Variants in SEMA3C observed in about 807,000 individuals in gnomAD.
SEMA3C encodes semaphorin-3C.
SEMA3C carries 47 observed loss-of-function variants against 89.4 expected under a neutral mutation model. That is an observed-to-expected ratio of 0.53 (90% CI 0.42 to 0.67). The LOEUF (loss-of-function observed/expected upper bound fraction) is 0.67, where lower values mean the gene tolerates loss of function less well. Among genes scored for constraint, SEMA3C ranks in the 30% least tolerant of loss-of-function variants. SEMA3C has a pLI of 0.00. For synonymous variants in SEMA3C, 310 were observed against 320.2 expected (o/e 0.97, Z 0.34); for missense variants, 839 against 929.1 (o/e 0.90, Z 1.26).
In SEMA3C at chr7:80,827,392, GTTTTTTT is replaced by G. The variant is rs36066966; in HGVS notation, c.327+26_327+32del. 3,237 of 1,233,906 alleles carry G rather than the reference GTTTTTTT, an allele frequency of 2.6e-3. 42 individuals are homozygous for G. The African/African-American group carries it at 0.049, about 19-fold the overall frequency. The allele number at this position is 1,233,906 out of a possible 1,614,324, so 76.4% of individuals were successfully genotyped here. On this transcript the variant is annotated intron_variant, in intron 4 of 17. Transcript: ENST00000265361. ...TCGAAAACCAAATATTTAAGTTAGTGTTTTTTTTTTTTTTTTTTTTTTTAACACTTAC... is the reference window on the plus strand; with the variant it reads ...TCGAAAACCAAATATTTAAGTTAGTGTTTTTTTTTTTTTTTTAACACTTAC...
At chr7:80,780,859 G>C (rs1788677525) in intron 12 of SEMA3C, among the ~76,000 whole-genome samples, 1 of 152,154 alleles carries the variant, frequency 6.6e-6, no homozygotes, top group Non-Finnish European at 1.5e-5. Context: ...ACTCTGGCCT[G>C]AGCCACAAAG....
At chr7:80,847,243 G>A (rs1333493623) in intron 2 of SEMA3C, 4 of 152,076 alleles carry the variant, frequency 2.6e-5, no homozygotes, top group Non-Finnish European at 5.9e-5. Flanking sequence ...GCCATATTTT[G>A]GGTATTTGTC....
chr7:80,895,805 A>G (rs897834102), intron 2 of SEMA3C, among the ~76,000 whole-genome samples: 4 of 152,146 alleles, frequency 2.6e-5, no homozygotes, highest in African/African-American at 7.2e-5. Context: ...GTAAAAATTA[A>G]GGTGATGATT....
intron 15 of SEMA3C, among the ~76,000 whole-genome samples, chr7:80,754,119 T>A (rs559684785): frequency 6.6e-6 from 1 of 152,312 alleles, no homozygotes; most frequent in South Asian, 2.1e-4. Context: ...GTATTTTTAG[T>A]AGAGACGGGG....
chr7:80,885,629 A>G (rs1791456797), intron 2 of SEMA3C, among the ~76,000 whole-genome samples: 1 of 152,186 alleles, frequency 6.6e-6, no homozygotes, highest in Non-Finnish European at 1.5e-5. Flanking sequence ...AAAACAAAGA[A>G]ACAAATATCC....
intron 2 of SEMA3C, among the ~76,000 whole-genome samples, chr7:80,837,302 C>A (rs1388531393): frequency 6.6e-6 from 1 of 152,170 alleles, no homozygotes; most frequent in Non-Finnish European, 1.5e-5. Context: ...TCGAGAATTA[C>A]CGTATTTTGT....
intron 11 of SEMA3C, among the ~76,000 whole-genome samples, chr7:80,792,512 T>G (rs958241574): frequency 6.6e-6 from 1 of 152,176 alleles, no homozygotes; most frequent in African/African-American, 2.4e-5. Context: ...GTTAGTACAG[T>G]TTGATGTGAG....
chr7:80,872,294 G>C (rs988904724), intron 2 of SEMA3C, among the ~76,000 whole-genome samples: 3 of 151,718 alleles, frequency 2.0e-5, no homozygotes, highest in Non-Finnish European at 1.5e-5. Context: ...GGGACTACAG[G>C]CACGCACCAC....
At chr7:80,836,271 A>T (rs150614136) in intron 2 of SEMA3C, among the ~76,000 whole-genome samples, 66 of 152,330 alleles carry the variant, frequency 4.3e-4, no homozygotes, top group African/African-American at 1.5e-3. Context: ...AGAAGACAGA[A>T]GGTTCCCCTT....
At chr7:80,752,122 GA>G (rs1787949502) in intron 15 of SEMA3C, among the ~76,000 whole-genome samples, 1 of 152,078 alleles carries the variant, frequency 6.6e-6, no homozygotes. Flanking sequence ...GTTTTTCAAC[GA>G]CAATATTTCA....
At chr7:80,906,178 T>A (rs1792011136) in intron 2 of SEMA3C, among the ~76,000 whole-genome samples, 1 of 152,206 alleles carries the variant, frequency 6.6e-6, no homozygotes, top group Admixed American at 6.5e-5. Flanking sequence ...TACAGATACG[T>A]ATGTATCTTG....
chr7:80,900,774 G>A (rs1791859438), intron 2 of SEMA3C, among the ~76,000 whole-genome samples: 1 of 152,160 alleles, frequency 6.6e-6, no homozygotes, highest in African/African-American at 2.4e-5. Flanking sequence ...AGACTAAAAA[G>A]TAACTCTATA....
At chr7:80,890,655 T>A (rs1791590064) in intron 2 of SEMA3C, among the ~76,000 whole-genome samples, 1 of 152,170 alleles carries the variant, frequency 6.6e-6, no homozygotes, top group African/African-American at 2.4e-5. Flanking sequence ...ACAAAGTTCA[T>A]GGAGCTCCAA....
chr7:80,891,697 C>A (rs927701520), intron 2 of SEMA3C, among the ~76,000 whole-genome samples: 1 of 151,988 alleles, frequency 6.6e-6, no homozygotes, highest in Non-Finnish European at 1.5e-5. Flanking sequence ...GGAAAATAGT[C>A]TAACCCTTCC....
chr7:80,839,977 T>A (rs1459559474), intron 2 of SEMA3C, among the ~76,000 whole-genome samples: 1 of 152,158 alleles, frequency 6.6e-6, no homozygotes, highest in African/African-American at 2.4e-5. Flanking sequence ...TTCCAGTGGG[T>A]ACTTTTAGTC....
intron 2 of SEMA3C, among the ~76,000 whole-genome samples, chr7:80,842,593 A>C (rs894622859): frequency 2.6e-5 from 4 of 152,166 alleles, no homozygotes; most frequent in Admixed American, 6.6e-5. Context: ...GTTTGACCTA[A>C]GTATTAACAG....
chr7:80,783,246 C>G (rs752134424), intron 12 of SEMA3C, among the ~76,000 whole-genome samples: 1 of 152,136 alleles, frequency 6.6e-6, no homozygotes, highest in Non-Finnish European at 1.5e-5. Flanking sequence ...TTAGCATTCA[C>G]TCAGGGCTAT....
Position 80,742,939 on chromosome 7 carries a change from A to G in SEMA3C, c.*1955T>C, listed in dbSNP as rs1345583053. On this transcript the variant is annotated 3_prime_UTR_variant, in exon 18 of 18. Transcript: ENST00000265361. ...ATAATTGTGAAAATAGAAAGAATTA[A>G]ATAGCACAAATATAGTATAAAACTA... 6.6e-6 allele frequency: 1 copy of G among 151,972 alleles called. No individual in the cohort carries two copies. The highest frequency in any genetic ancestry group is 2.4e-5 in the African/African-American group (1 of 41,436). 9.4% of individuals were successfully genotyped at this position (151,972 alleles called of 1,614,324 possible).
chr7:80,920,562 T>C (rs539624109), upstream of SEMA3C, among the ~76,000 whole-genome samples: 1 of 152,150 alleles, frequency 6.6e-6, no homozygotes, highest in Non-Finnish European at 1.5e-5. Flanking sequence ...TACACGTGTC[T>C]CAGACTCACG....
Sources: allele counts gnomAD v4.1 joint callset (sites outside exome capture counted in the v4.1 genomes callset), GRCh38; gene constraint gnomAD v4.1.1; transcripts MANE v1.5; gene names NCBI Gene and HGNC (gene_info 2026-07-23, HGNC 2026-07-21).